CNTN5: variants seen among roughly 807,000 people sequenced by gnomAD.
CNTN5 encodes the protein contactin 5, also known as contactin-5.
A neutral mutation model predicts 129.1 loss-of-function variants in CNTN5; 77 were observed. That is an observed-to-expected ratio of 0.60 (90% CI 0.50 to 0.72). The LOEUF (loss-of-function observed/expected upper bound fraction) is 0.72, where lower values mean the gene tolerates loss of function less well. CNTN5 is among the 30% of genes least tolerant of loss of function. The pLI is 0.00. For missense variants in CNTN5, 1,478 were observed against 1,328.8 expected (o/e 1.11, Z -1.75); for synonymous variants, 509 against 465.6 (o/e 1.09, Z -1.20).
At chr11:99,213,367 T>TACAC (rs1859923984) in intron 1 of CNTN5, among the ~76,000 whole-genome samples, 4 of 142,680 alleles carry the variant, frequency 2.8e-5, no homozygotes, top group Admixed American at 2.1e-4. Flanking sequence ...TGTATATATG[T>TACAC]ATATATGTAT....
At chr11:100,308,246 CA>C in intron 20 of CNTN5, 112 bp from the exon 21 acceptor site, 1 of 886,610 alleles carries the variant, frequency 1.1e-6, no homozygotes. Context: ...ATAACTACCA[CA>C]GCACTTCATT....
intron 2 of CNTN5, 88 bp downstream of exon 2, chr11:99,325,572 C>T (rs546812494): frequency 1.3e-5 from 2 of 152,198 alleles, no homozygotes; most frequent in South Asian, 4.2e-4. Context: ...TAATGGAGCT[C>T]CTAATACAAC....
At chr11:99,637,748 C>A (rs1003299136) in intron 3 of CNTN5, among the ~76,000 whole-genome samples, 1 of 151,428 alleles carries the variant, frequency 6.6e-6, no homozygotes, top group Non-Finnish European at 1.5e-5. Context: ...TCAGTCTTGC[C>A]TTTACATTTC....
In CNTN5 at chr11:100,061,674, A is replaced by G. The variant is rs147970799; in HGVS notation, c.1162+281A>G. 9.1e-3 allele frequency among the ~76,000 whole-genome samples: 1,385 copies of G among 152,316 alleles called. 26 individuals are homozygous for G. The highest frequency in any genetic ancestry group is 0.031 in the African/African-American group (1,307 of 41,576). The stretch of plus-strand genomic sequence containing the variant: ...CTGGCACCAGCACTATACTCTGACA[A>G]GTTAAAAATCTTGGAAAACTTATTA... On this transcript the variant is annotated intron_variant, in intron 10 of 24. Transcript: ENST00000524871.
intron 2 of CNTN5, among the ~76,000 whole-genome samples, chr11:99,547,617 G>A (rs1948343296): frequency 6.6e-6 from 1 of 152,054 alleles, no homozygotes; most frequent in Non-Finnish European, 1.5e-5. Flanking sequence ...ATTTAACATA[G>A]ATATTTTACA....
chr11:99,408,448 G>GAAAGAGAAGAAAGAA (rs71305322), intron 2 of CNTN5, among the ~76,000 whole-genome samples: 1,544 of 78,118 alleles, frequency 0.02, 43 homozygotes, highest in Non-Finnish European at 0.029. Context: ...AAGAAAGAAA[G>GAAAGAGAAGAAAGAA]AGAAAGAAAG....
At chr11:99,588,216 C>T (rs1949865993) in intron 3 of CNTN5, among the ~76,000 whole-genome samples, 1 of 151,936 alleles carries the variant, frequency 6.6e-6, no homozygotes, top group Non-Finnish European at 1.5e-5. Flanking sequence ...TATTGGCGGA[C>T]GCCTATAGTC....
chr11:99,509,662 C>T (rs1205178863), intron 2 of CNTN5, among the ~76,000 whole-genome samples: 1 of 151,870 alleles, frequency 6.6e-6, no homozygotes, highest in African/African-American at 2.4e-5. Context: ...TTTTGATTTA[C>T]ATCTGAATAG....
intron 14 of CNTN5, 32 bp downstream of exon 14, chr11:100,191,285 A>G (rs751329936): frequency 1.0e-5 from 16 of 1,592,166 alleles, no homozygotes; most frequent in African/African-American, 5.4e-5. Context: ...TTTTACAAGC[A>G]TAGTCTCATG....
chr11:100,120,406 T>G (rs1403417737), intron 13 of CNTN5, among the ~76,000 whole-genome samples: 2 of 151,958 alleles, frequency 1.3e-5, no homozygotes, highest in Non-Finnish European at 2.9e-5. Flanking sequence ...TTTCCTTCAA[T>G]TTCATGTTTC....
chr11:99,082,925 GA>G lies in CNTN5; in HGVS notation c.-210+61657del, dbSNP rs534743949. On this transcript the variant is annotated intron_variant, in intron 1 of 24. Coordinates refer to ENST00000524871, the MANE Select transcript of CNTN5 (RefSeq NM_014361.4). Reference sequence around the variant, plus strand: ...AAATAGCATTGAGGGAAATACGCCAGAATCTTCACAGTGGTTAATTCTAGAT... The same window carrying G: ...AAATAGCATTGAGGGAAATACGCCAGATCTTCACAGTGGTTAATTCTAGAT... Among the ~76,000 whole-genome samples, 260 of 152,220 alleles carry G rather than the reference GA, an allele frequency of 1.7e-3. 1 individual carries two copies. Among genetic ancestry groups the G allele is most frequent in the African/African-American group, 5.7e-3 (236 of 41,544 alleles).
At chr11:99,856,362 G>A (rs1205780036) in intron 6 of CNTN5, among the ~76,000 whole-genome samples, 1 of 152,082 alleles carries the variant, frequency 6.6e-6, no homozygotes, top group African/African-American at 2.4e-5. Flanking sequence ...GTGTAGAGAG[G>A]CTCAGATTAG....
At chr11:99,577,572 T>A (rs1466601123) in intron 3 of CNTN5, among the ~76,000 whole-genome samples, 1 of 152,168 alleles carries the variant, frequency 6.6e-6, no homozygotes, top group African/African-American at 2.4e-5. Context: ...TTTCATTTAA[T>A]TAAAAATAAT....
intron 2 of CNTN5, among the ~76,000 whole-genome samples, chr11:99,509,441 G>A (rs555652095): frequency 5.3e-5 from 8 of 152,246 alleles, no homozygotes; most frequent in African/African-American, 1.9e-4. Flanking sequence ...AATAGAAATG[G>A]TGAATTCTTC....
chr11:99,223,515 A>T (rs1480729929), intron 1 of CNTN5, among the ~76,000 whole-genome samples: 1 of 152,168 alleles, frequency 6.6e-6, no homozygotes, highest in Non-Finnish European at 1.5e-5. Flanking sequence ...CTTCAAATTC[A>T]CTTATCTTTT....
chr11:99,452,567 T>A (rs1441303988), intron 2 of CNTN5, among the ~76,000 whole-genome samples: 4 of 151,928 alleles, frequency 2.6e-5, no homozygotes, highest in African/African-American at 9.7e-5. Flanking sequence ...AGAGACGAGG[T>A]TTCACTGTGT....
intron 1 of CNTN5, among the ~76,000 whole-genome samples, chr11:99,088,958 C>A (rs757774825): frequency 1.1e-4 from 16 of 152,092 alleles, no homozygotes; most frequent in Non-Finnish European, 2.2e-4. Context: ...CTTCATTGGG[C>A]ATCAGTGAAA....
chr11:99,963,490 G>C (rs1269112625), intron 8 of CNTN5, among the ~76,000 whole-genome samples: 1 of 152,006 alleles, frequency 6.6e-6, no homozygotes, highest in East Asian at 1.9e-4. Flanking sequence ...TTATTTCTGA[G>C]GGCTCTGTTC....
At chr11:100,102,217 C>A (rs1037360028) in intron 13 of CNTN5, among the ~76,000 whole-genome samples, 1 of 151,978 alleles carries the variant, frequency 6.6e-6, no homozygotes, top group Non-Finnish European at 1.5e-5. Context: ...CCTTTTGCCA[C>A]ACCCACACTA....
Sources: gnomAD v4.1 joint callset for allele counts (sites outside exome capture counted in the v4.1 genomes callset) on GRCh38, gnomAD v4.1.1 for gene constraint, MANE v1.5 for transcripts, NCBI Gene and HGNC (gene_info 2026-07-23, HGNC 2026-07-21) for gene names.